The following RXYLT1 variants were observed in gnomAD, a reference collection of about 807,000 sequenced individuals.
The protein encoded by RXYLT1 is ribitol-5-phosphate xylosyltransferase 1.
A neutral mutation model predicts 43.5 loss-of-function variants in RXYLT1; 41 were observed. The ratio of observed to expected loss-of-function variants is 0.94; its 90% CI spans 0.73 to 1.22. The LOEUF is 1.22. RXYLT1 is among the 50% of genes most tolerant of loss of function. RXYLT1 has a pLI of 0.00. For synonymous variants in RXYLT1, 166 were observed against 194.4 expected (o/e 0.85, Z 1.21); for missense variants, 514 against 532.0 (o/e 0.97, Z 0.33).
intron 4 of RXYLT1, 52 bp downstream of exon 4, chr12:63,802,457 G>T: frequency 6.8e-7 from 1 of 1,462,592 alleles, no homozygotes; most frequent in South Asian, 1.4e-5. Context: ...CTGAATTTCT[G>T]AACCAGGAAG....
chr12:63,792,034 G>C (rs59700269), intron 3 of RXYLT1, among the ~76,000 whole-genome samples: 51 of 152,302 alleles, frequency 3.3e-4, no homozygotes, highest in African/African-American at 1.2e-3. Flanking sequence ...CTGGCCTAAG[G>C]TTACATACTT....
At chr12:63,798,271 C>T (rs892335113) in intron 3 of RXYLT1, among the ~76,000 whole-genome samples, 2 of 152,202 alleles carry the variant, frequency 1.3e-5, no homozygotes, top group Non-Finnish European at 2.9e-5. Context: ...GTGCATCCCA[C>T]CTGCTTCTAG....
Position 63,779,933 on chromosome 12 carries a change from TG to T in RXYLT1, c.-26del. The T allele has an allele frequency of 6.2e-7, 1 of 1,608,472 alleles. No individual in the cohort carries two copies. Among genetic ancestry groups the T allele is most frequent in the Non-Finnish European group, 8.5e-7 (1 of 1,178,560 alleles). On this transcript the variant is annotated 5_prime_UTR_variant, in exon 1 of 6. The change abolishes the stop of an existing upstream ORF in the 5' untranslated region. Coordinates refer to ENST00000261234, the MANE Select transcript of RXYLT1 (RefSeq NM_014254.3). Reference sequence around the variant, plus strand: ...TCTCTTTCCGCCCGCTCCATGGCGGTGGATGCCTGACTGGAAGCCCGAGTGG... The same window carrying T: ...TCTCTTTCCGCCCGCTCCATGGCGGTGATGCCTGACTGGAAGCCCGAGTGG...
chr12:63,781,066 GA>G lies in RXYLT1; in HGVS notation c.224del (p.Asn75MetfsTer14). On this transcript the variant is annotated frameshift_variant, in exon 2 of 6. Coordinates refer to ENST00000261234, the MANE Select transcript of RXYLT1 (RefSeq NM_014254.3). LOFTEE classifies it high-confidence loss of function. ...SEEWNPWEGDEKNEQQHRFKT... is the reference protein window; with the variant it reads ...SEEWNPWEGDXKNEQQHRFKT... ...AGAATGGAATCCTTGGGAAGGAGATGAAAAAAATGAGCAACAACACAGATTT... is the reference window on the plus strand; with the variant it reads ...AGAATGGAATCCTTGGGAAGGAGATGAAAAAATGAGCAACAACACAGATTT... 1.2e-6 allele frequency: 2 copies of G among 1,607,732 alleles called. No individual in the cohort carries two copies. Among genetic ancestry groups the G allele is most frequent in the Admixed American group, 3.4e-5 (2 of 58,764 alleles).
rs1308369175 is a variant in RXYLT1 at position 63,808,793 on chromosome 12, T to G, written c.1033T>G (p.Cys345Gly). Residue 345 changes from cysteine to glycine, a missense_variant, in exon 6 of 6, where the codon TGC becomes GGC. Cys to Gly is a radical substitution (Grantham distance 159). Coordinates refer to ENST00000261234, the MANE Select transcript of RXYLT1 (RefSeq NM_014254.3). ...AGAATGCTATCGAATCTATGAGGCT[T>G]GCTCCTATGGCTCCATTCCTGTGGT... is the stretch of plus-strand genomic sequence containing the variant. ...NTECYRIYEA[C>G]SYGSIPVVED... 6.2e-7 allele frequency: 1 copy of G among 1,613,966 alleles called. No homozygotes were observed. The highest frequency in any genetic ancestry group is 8.5e-7 in the Non-Finnish European group (1 of 1,180,010).
chr12:63,781,326 T>G, intron 2 of RXYLT1, 152 bp downstream of exon 2: 2 of 749,468 alleles, frequency 2.7e-6, no homozygotes, highest in Non-Finnish European at 2.0e-6. Context: ...TCCTTTCTCC[T>G]TCCAATTAGA....
At position 63,808,865 on chromosome 12, in the gene RXYLT1, C is replaced by G. The variant is rs780072889; in HGVS notation, c.1105C>G (p.His369Asp). ...AGNCGNTSVH[H>D]GAPLQLLKSM... ...CAACTGTGGGAATACATCTGTGCAC[C>G]ACGGTGCTCCTCTGCAGTTACTCAA... is the stretch of plus-strand genomic sequence containing the variant. The change falls in exon 6 of 6, where the codon CAC becomes GAC. Residue 369 changes from histidine to aspartate, a missense_variant. Transcript: ENST00000261234. 21 of 1,614,008 alleles carry G rather than the reference C, an allele frequency of 1.3e-5. No individual in the cohort carries two copies. In the Admixed American group the frequency reaches 3.5e-4, roughly 27 times the overall value.
At chr12:63,780,372 G>A in intron 1 of RXYLT1, 1 of 1,287,712 alleles carries the variant, frequency 7.8e-7, no homozygotes, top group Non-Finnish European at 9.8e-7. Flanking sequence ...AGGCGCGCAC[G>A]CCTTTCAAAC....
chr12:63,798,513 TTTC>T (rs1898083196), intron 3 of RXYLT1, among the ~76,000 whole-genome samples: 1 of 152,188 alleles, frequency 6.6e-6, no homozygotes, highest in African/African-American at 2.4e-5. Flanking sequence ...GCCCTTAAAG[TTTC>T]TTCTTTTAGA....
At chr12:63,798,074 C>T (rs1898073890) in intron 3 of RXYLT1, among the ~76,000 whole-genome samples, 1 of 151,996 alleles carries the variant, frequency 6.6e-6, no homozygotes, top group South Asian at 2.1e-4. Flanking sequence ...TACCTATCTC[C>T]TCTTTCTCAG....
At chr12:63,800,101 G>A (rs1053853954) in intron 3 of RXYLT1, among the ~76,000 whole-genome samples, 10 of 152,070 alleles carry the variant, frequency 6.6e-5, no homozygotes, top group Non-Finnish European at 1.0e-4. Flanking sequence ...ATATTTTTAC[G>A]TTTTGTGCTT....
At chr12:63,796,551 G>C (rs1211354296) in intron 3 of RXYLT1, among the ~76,000 whole-genome samples, 2 of 152,126 alleles carry the variant, frequency 1.3e-5, no homozygotes, top group Non-Finnish European at 2.9e-5. Context: ...GCCATTCATT[G>C]AATCAGTCAT....
At chr12:63,785,710 A>G (rs949486308) in intron 3 of RXYLT1, among the ~76,000 whole-genome samples, 3 of 152,028 alleles carry the variant, frequency 2.0e-5, no homozygotes, top group African/African-American at 7.2e-5. Context: ...ATGCTATTTT[A>G]TTAGATTTTG....
intron 3 of RXYLT1, among the ~76,000 whole-genome samples, chr12:63,790,882 A>G (rs1897906612): frequency 6.6e-6 from 1 of 152,214 alleles, no homozygotes; most frequent in African/African-American, 2.4e-5. Flanking sequence ...GATTATTCCA[A>G]AGATTAAATG....
In RXYLT1 at chr12:63,785,010, T is replaced by A. The variant is rs777529638; in HGVS notation, c.366T>A (p.Asp122Glu). The A allele has an allele frequency of 3.1e-6, 5 of 1,613,968 alleles. No homozygotes were observed. Among genetic ancestry groups the A allele is most frequent in the Admixed American group, 3.3e-5 (2 of 60,030 alleles). The change falls in exon 3 of 6, where the codon GAT (aspartate) becomes GAA (glutamate). Residue 122 changes from aspartate to glutamate, a missense_variant. Coordinates refer to ENST00000261234, the MANE Select transcript of RXYLT1 (RefSeq NM_014254.3). ...AGCATATTTTTGAAGGCTTACTTGATCCCAGCGATGTGACTGCTCAATGGA... is the reference window on the plus strand; with the variant it reads ...AGCATATTTTTGAAGGCTTACTTGAACCCAGCGATGTGACTGCTCAATGGA... Reference protein sequence around the residue: ...LWEHIFEGLLDPSDVTAQWRE... With the variant: ...LWEHIFEGLLEPSDVTAQWRE...
At chr12:63,785,689 TATC>T (rs1897785776) in intron 3 of RXYLT1, among the ~76,000 whole-genome samples, 1 of 152,230 alleles carries the variant, frequency 6.6e-6, no homozygotes, top group Non-Finnish European at 1.5e-5. Context: ...ACTATAATTT[TATC>T]ATATGAAATG....
intron 2 of RXYLT1, chr12:63,782,822 G>A (rs1897714908): frequency 5.2e-6 from 1 of 192,152 alleles, no homozygotes; most frequent in Non-Finnish European, 1.1e-5. Context: ...TCTTGTTTCT[G>A]GAACACCCTT....
rs764934983 is a variant in RXYLT1, at chr12:63,809,103, G to C, written c.*11G>C. On this transcript the variant is annotated 3_prime_UTR_variant, in exon 6 of 6. Coordinates refer to ENST00000261234, the MANE Select transcript of RXYLT1 (RefSeq NM_014254.3). ...AATAATAAAAGTTAATTATCTTTTT[G>C]AGCTAACATGTGATTTTTAAAATCA... 3 of 1,471,708 alleles carry C rather than the reference G, an allele frequency of 2.0e-6. No homozygotes were observed. Among genetic ancestry groups the C allele is most frequent in the Non-Finnish European group, 2.7e-6 (3 of 1,092,472 alleles). The allele number at this position is 1,471,708 out of a possible 1,614,324, so 91.2% of individuals were successfully genotyped here. A position where few individuals can be genotyped will look rare whatever the true frequency, so the allele number is the denominator to read the frequency against.
chr12:63,780,596 C>T, intron 1 of RXYLT1: 1 of 836,272 alleles, frequency 1.2e-6, no homozygotes. Context: ...TCGGCTTTCT[C>T]TTTCCCTTTA....
Sources: allele counts gnomAD v4.1 joint callset (sites outside exome capture counted in the v4.1 genomes callset), GRCh38; gene constraint gnomAD v4.1.1; transcripts MANE v1.5; gene names NCBI Gene and HGNC (gene_info 2026-07-23, HGNC 2026-07-21).